The following PTPRB variants were observed in gnomAD, a reference collection of about 807,000 sequenced individuals.
PTPRB encodes protein tyrosine phosphatase receptor type B.
A neutral mutation model predicts 238.1 loss-of-function variants in PTPRB; 97 were observed. The ratio of observed to expected loss-of-function variants is 0.41; its 90% CI spans 0.35 to 0.48. The LOEUF (loss-of-function observed/expected upper bound fraction) is 0.48. Among genes scored for constraint, PTPRB ranks in the 20% least tolerant of loss-of-function variants. The pLI is 0.30. For synonymous variants in PTPRB, 970 were observed against 995.4 expected (o/e 0.97, Z 0.48); for missense variants, 2,292 against 2,681.9 (o/e 0.85, Z 3.21).
intron 4 of PTPRB, among the ~76,000 whole-genome samples, chr12:70,596,791 T>C (rs887524414): frequency 7.2e-5 from 11 of 152,212 alleles, no homozygotes; most frequent in Non-Finnish European, 1.5e-4. Flanking sequence ...TGGTGTCTAG[T>C]ATATGTAACT....
At chr12:70,527,144 ATTAT>A (rs1872560169) in intron 32 of PTPRB, among the ~76,000 whole-genome samples, 1 of 152,184 alleles carries the variant, frequency 6.6e-6, no homozygotes, top group African/African-American at 2.4e-5. Flanking sequence ...AGTATTAGAT[ATTAT>A]TTATAGTATT....
rs192380767 is a variant in PTPRB at position 70,575,135 on chromosome 12, T to A, written c.2842+1247A>T. On this transcript the variant is annotated intron_variant, in intron 11 of 33. Coordinates refer to ENST00000334414, the MANE Select transcript of PTPRB (RefSeq NM_001109754.4). ...CAAGGGTAGGGATAATCTCTTTATA[T>A]CCCTGACTAGTGCTCTCGGATACAG... is the stretch of plus-strand genomic sequence containing the variant. 5.9e-4 allele frequency among the ~76,000 whole-genome samples: 90 copies of A among 152,250 alleles called. No individual in the cohort carries two copies. In the East Asian group the frequency reaches 0.015, roughly 26 times the overall value.
intron 26 of PTPRB, 69 bp downstream of exon 26, chr12:70,539,556 A>G (rs1874714368): frequency 8.0e-7 from 1 of 1,250,666 alleles, no homozygotes; most frequent in South Asian, 1.3e-5. Flanking sequence ...ATGATGACAC[A>G]GTAAACATTA....
In PTPRB at chr12:70,573,608, C is replaced by T. The variant is rs941652399; in HGVS notation, c.2843-1521G>A. Among the ~76,000 whole-genome samples the T allele has an allele frequency of 3.4e-5, 5 of 147,816 alleles. No homozygotes were observed. The Admixed American group carries it at 3.4e-4, about 10-fold the overall frequency. Reference sequence around the variant, plus strand: ...TGGAACCTCTGCCTTCTGGTTCAAGCGATTCTCCTGCCTCAGCCTCCCAAG... The same window carrying T: ...TGGAACCTCTGCCTTCTGGTTCAAGTGATTCTCCTGCCTCAGCCTCCCAAG... On this transcript the variant is annotated intron_variant, in intron 11 of 33. Coordinates refer to ENST00000334414, the MANE Select transcript of PTPRB (RefSeq NM_001109754.4).
intron 2 of PTPRB, among the ~76,000 whole-genome samples, chr12:70,630,896 G>A (rs975078605): frequency 1.3e-5 from 2 of 152,150 alleles, no homozygotes; most frequent in African/African-American, 4.8e-5. Context: ...TCTTCAAGGA[G>A]AACTACAAAC....
At chr12:70,592,600 A>G (rs1000430203) in intron 6 of PTPRB, 55 bp from the exon 7 acceptor site, 3 of 1,551,130 alleles carry the variant, frequency 1.9e-6, no homozygotes, top group South Asian at 2.5e-5. Context: ...CACAAGTCCT[A>G]TGGCCAAATT....
At chr12:70,555,082 G>T in intron 20 of PTPRB, 78 bp downstream of exon 20, 1 of 1,486,262 alleles carries the variant, frequency 6.7e-7, no homozygotes, top group Non-Finnish European at 9.1e-7. Context: ...CTTAAACTTT[G>T]TCACAGAAAG....
intron 18 of PTPRB, 150 bp downstream of exon 18, chr12:70,559,193 A>G: frequency 1.2e-6 from 1 of 848,260 alleles, no homozygotes; most frequent in Non-Finnish European, 1.9e-6. Flanking sequence ...TGAATGAACG[A>G]ACAAATCTAC....
At chr12:70,539,314 C>T (rs1874677252) in intron 26 of PTPRB, 2 of 532,776 alleles carry the variant, frequency 3.8e-6, no homozygotes, top group East Asian at 3.0e-5. Context: ...CGGCATCTTC[C>T]AGCCAAGCAA....
intron 21 of PTPRB, 86 bp downstream of exon 21, chr12:70,552,691 A>C: frequency 1.3e-6 from 2 of 1,495,810 alleles, no homozygotes; most frequent in Non-Finnish European, 1.8e-6. Context: ...AATCTATGGA[A>C]GCTCGCATGC....
At chr12:70,631,789 A>C (rs961035671) in intron 2 of PTPRB, among the ~76,000 whole-genome samples, 68 of 152,092 alleles carry the variant, frequency 4.5e-4, no homozygotes, top group African/African-American at 1.6e-3. Flanking sequence ...AGACACTTCT[A>C]AAAAGAAGAC....
At chr12:70,539,215 G>A in intron 26 of PTPRB, 1 of 591,076 alleles carries the variant, frequency 1.7e-6, no homozygotes, top group Non-Finnish European at 3.0e-6. Flanking sequence ...TACAGGTGAG[G>A]CTCAGTCAGG....
At chr12:70,583,176 T>C (rs952275183) in intron 9 of PTPRB, among the ~76,000 whole-genome samples, 6 of 152,130 alleles carry the variant, frequency 3.9e-5, no homozygotes. Flanking sequence ...TAAACATGCA[T>C]TTACCATATG....
At chr12:70,626,351 CTATCTATCTATCTATA>C (rs1885192685) in intron 2 of PTPRB, among the ~76,000 whole-genome samples, 1 of 139,286 alleles carries the variant, frequency 7.2e-6, no homozygotes, top group Non-Finnish European at 1.5e-5. Context: ...ATCTATCTAT[CTATCTATCTATCTATA>C]TTCCTGCCTG....
chr12:70,622,870 A>G (rs540581826), intron 2 of PTPRB, among the ~76,000 whole-genome samples: 29 of 152,136 alleles, frequency 1.9e-4, no homozygotes, highest in African/African-American at 6.7e-4. Context: ...ACCTGGAAGG[A>G]AAGTTGTAGA....
intron 32 of PTPRB, among the ~76,000 whole-genome samples, chr12:70,531,820 C>CCTAT (rs1252402203): frequency 1.3e-5 from 2 of 152,106 alleles, no homozygotes; most frequent in African/African-American, 2.4e-5. Flanking sequence ...CATCTGCCAG[C>CCTAT]CTATCTTAAA....
At chr12:70,556,230 T>G in intron 18 of PTPRB, 82 bp from the exon 19 acceptor site, 1 of 1,278,004 alleles carries the variant, frequency 7.8e-7, no homozygotes, top group Non-Finnish European at 1.1e-6. Flanking sequence ...CAACTAGCTC[T>G]GAGATCTAGG....
At chr12:70,576,666 G>GA in intron 10 of PTPRB, 21 bp from the exon 11 acceptor site, 1 of 281,960 alleles carries the variant, frequency 3.5e-6, no homozygotes, top group African/African-American at 4.1e-5. Flanking sequence ...GAAAGGTGGG[G>GA]GGCGGGGGGG....
rs1261995501 is a variant in PTPRB at position 70,520,245 on chromosome 12, C to T, written c.*1244G>A. The T allele has an allele frequency of 1.1e-5, 5 of 469,238 alleles. No homozygotes were observed. Among genetic ancestry groups the T allele is most frequent in the South Asian group, 4.6e-5 (3 of 65,138 alleles). 29.1% of individuals were successfully genotyped at this position (469,238 alleles called of 1,614,324 possible). On this transcript the variant is annotated 3_prime_UTR_variant, in exon 34 of 34. Transcript: ENST00000334414. ...TTGATGAAGGAAATACTTTCTGACT[C>T]ATTGGAATTTGTTATAGTCAAAGTA...
Sources: allele counts gnomAD v4.1 joint callset (sites outside exome capture counted in the v4.1 genomes callset), GRCh38; gene constraint gnomAD v4.1.1; transcripts MANE v1.5; gene names NCBI Gene and HGNC (gene_info 2026-07-23, HGNC 2026-07-21).